Variants in PEX3 observed in about 807,000 individuals in gnomAD.
PEX3 encodes peroxin-3.
Under a neutral mutation model 55.8 loss-of-function variants are expected in PEX3, and 30 were observed. The observed-to-expected ratio is 0.54, with a 90% CI of 0.40 to 0.73. The LOEUF is 0.73. Ranked by LOEUF, PEX3 falls within the 30% of genes least tolerant of loss-of-function variation. The pLI is 0.00. For missense variants in PEX3, 351 were observed against 432.8 expected (o/e 0.81, Z 1.68); for synonymous variants, 135 against 148.4 (o/e 0.91, Z 0.66).
chr6:143,469,732 T>C (rs1172304477), intron 4 of PEX3, among the ~76,000 whole-genome samples: 4 of 152,226 alleles, frequency 2.6e-5, no homozygotes, highest in African/African-American at 2.4e-5. Context: ...TTTGGTGTTT[T>C]AGTCATGAAG....
In PEX3 at chr6:143,462,895, T is replaced by A. The variant is rs9373392; in HGVS notation, c.206-21T>A. 9.8e-6 allele frequency: 2 copies of A among 204,348 alleles called. No homozygotes were observed. The highest frequency in any genetic ancestry group is 1.3e-5 in the Non-Finnish European group (2 of 149,248). 12.7% of individuals were successfully genotyped at this position (204,348 alleles called of 1,614,324 possible). The stretch of plus-strand genomic sequence containing the variant: ...GTCATATCACTTGTGACCTTTTTTA[T>A]TTTTTTTGTTTGTATTACAGTGCTG... On this transcript the variant is annotated intron_variant, in intron 2 of 11. Coordinates refer to ENST00000367591, the MANE Select transcript of PEX3 (RefSeq NM_003630.3). This position sits in a 1 kb window ranked among gnomAD's most constrained non-coding sequence, Gnocchi z 4.1.
At position 143,479,308 on chromosome 6, in the gene PEX3, C is replaced by G; in HGVS notation, c.941+110C>G. 1.3e-6 allele frequency: 1 copy of G among 797,318 alleles called. No individual in the cohort carries two copies. The highest frequency in any genetic ancestry group is 2.2e-6 in the Non-Finnish European group (1 of 464,658). 49.4% of individuals were successfully genotyped at this position (797,318 alleles called of 1,614,324 possible). On this transcript the variant is annotated intron_variant, in intron 10 of 11. Coordinates refer to ENST00000367591, the MANE Select transcript of PEX3 (RefSeq NM_003630.3). This position sits in a 1 kb window ranked among gnomAD's most constrained non-coding sequence, Gnocchi z 4.6. ...ACAAACCTATTAAATTTGAGTGCCT[C>G]ATTTTTTAACAAATTAAACTCTGTT...
At chr6:143,469,081 A>G (rs897729447) in intron 4 of PEX3, among the ~76,000 whole-genome samples, 1 of 152,074 alleles carries the variant, frequency 6.6e-6, no homozygotes, top group Non-Finnish European at 1.5e-5. Flanking sequence ...TCATTGATGG[A>G]CATTTGGGTT....
intron 4 of PEX3, 31 bp downstream of exon 4, chr6:143,468,196 T>A: frequency 7.0e-7 from 1 of 1,430,470 alleles, no homozygotes; most frequent in Non-Finnish European, 9.9e-7. Context: ...TGACAGCACA[T>A]CCTTAAAATA....
At chr6:143,473,947 C>T (rs1780112040) in intron 8 of PEX3, among the ~76,000 whole-genome samples, 1 of 149,722 alleles carries the variant, frequency 6.7e-6, no homozygotes, top group Non-Finnish European at 1.5e-5. Flanking sequence ...GGAAGCATAA[C>T]AAGACCCTAC....
At position 143,472,173 on chromosome 6, in the gene PEX3, C is replaced by T. The variant is rs1780084360; in HGVS notation, c.592C>T (p.His198Tyr). The change falls in exon 8 of 12, where the codon CAT becomes TAT. Residue 198 changes from histidine to tyrosine, a missense_variant. His to Tyr is a moderately conservative substitution (Grantham distance 83). Coordinates refer to ENST00000367591, the MANE Select transcript of PEX3 (RefSeq NM_003630.3). ...QKVLGSVSLKHSLSLLDLEQK... is the reference protein window; with the variant it reads ...QKVLGSVSLKYSLSLLDLEQK... ...CTCTGTTTCTAGTGTTTCTCTTAAA[C>T]ATTCTTTGTCCCTTTTGGACTTGGA... 6.2e-7 allele frequency: 1 copy of T among 1,605,586 alleles called. No homozygotes were observed. The highest frequency in any genetic ancestry group is 2.2e-5 in the East Asian group (1 of 44,720).
intron 2 of PEX3, among the ~76,000 whole-genome samples, chr6:143,461,559 A>C (rs1779919876): frequency 6.7e-6 from 1 of 149,582 alleles, no homozygotes; most frequent in African/African-American, 2.5e-5. Context: ...ATTCCTTTGG[A>C]TAAGATGTAA....
At chr6:143,484,954 T>TA (rs1562658710) in intron 10 of PEX3, 198 bp from the exon 11 acceptor site, 3 of 554,656 alleles carry the variant, frequency 5.4e-6, no homozygotes, top group Non-Finnish European at 9.7e-6. Context: ...AAGATATGTG[T>TA]AAAAAAACGC....
intron 1 of PEX3, among the ~76,000 whole-genome samples, chr6:143,455,171 ATTTTCTTTTCTTTTC>A (rs58331398): frequency 5.4e-4 from 78 of 143,962 alleles, no homozygotes; most frequent in Middle Eastern, 3.4e-3. Context: ...ATTTGGGGGT[ATTTTCTTTTCTTTTC>A]TTTTCTTTTC....
intron 4 of PEX3, among the ~76,000 whole-genome samples, chr6:143,469,987 G>A (rs1024337459): frequency 2.6e-5 from 4 of 152,044 alleles, no homozygotes; most frequent in African/African-American, 9.7e-5. Context: ...GTCTTGCTCT[G>A]TTGCCAGGGT....
rs893566381 is a variant in PEX3 at position 143,466,769 on chromosome 6, A to G, written c.288-1353A>G. Among the ~76,000 whole-genome samples, 7 of 152,084 alleles carry G rather than the reference A, an allele frequency of 4.6e-5. No individual in the cohort carries two copies. The highest frequency in any genetic ancestry group is 1.7e-4 in the African/African-American group (7 of 41,432). ...TTTTCACTTATCTAAGGGGGCAGATATAAATGTATATATACATATTCACTT... is the reference window on the plus strand; with the variant it reads ...TTTTCACTTATCTAAGGGGGCAGATGTAAATGTATATATACATATTCACTT... On this transcript the variant is annotated intron_variant, in intron 3 of 11. Transcript: ENST00000367591. This position sits in a 1 kb window ranked among gnomAD's most constrained non-coding sequence, Gnocchi z 5.4.
rs1207394077 is a variant in PEX3, at chr6:143,459,230, A to T, written c.205+14A>T. On this transcript the variant is annotated intron_variant, in intron 2 of 11. Coordinates refer to ENST00000367591, the MANE Select transcript of PEX3 (RefSeq NM_003630.3). The surrounding 1 kb of genome is among the most constrained non-coding windows in gnomAD (Gnocchi z 4.2). ...GCAATATGACAGGTAAGACAGAGAA[A>T]TATTTATACATGTGTAAAGTTGTTT... The T allele has an allele frequency of 6.2e-7, 1 of 1,606,642 alleles. No homozygotes were observed. The highest frequency in any genetic ancestry group is 1.7e-5 in the Admixed American group (1 of 59,994).
At chr6:143,473,811 G>A (rs1246067141) in intron 8 of PEX3, among the ~76,000 whole-genome samples, 9 of 151,992 alleles carry the variant, frequency 5.9e-5, no homozygotes, top group Admixed American at 4.6e-4. Flanking sequence ...GTTCGAGTCC[G>A]TGGTGTGCTA....
intron 1 of PEX3, among the ~76,000 whole-genome samples, chr6:143,455,100 T>C (rs1272999349): frequency 6.6e-6 from 1 of 152,224 alleles, no homozygotes; most frequent in Non-Finnish European, 1.5e-5. Flanking sequence ...AAATATTTAT[T>C]GCGTTCTGAG....
In PEX3 at chr6:143,479,273, G is replaced by T; in HGVS notation, c.941+75G>T. 8.5e-7 allele frequency: 1 copy of T among 1,171,762 alleles called. No homozygotes were observed. Among genetic ancestry groups the T allele is most frequent in the Non-Finnish European group, 1.3e-6 (1 of 782,250 alleles). The allele number at this position is 1,171,762 out of a possible 1,614,324, so 72.6% of individuals were successfully genotyped here. On this transcript the variant is annotated intron_variant, in intron 10 of 11. Coordinates refer to ENST00000367591, the MANE Select transcript of PEX3 (RefSeq NM_003630.3). The surrounding 1 kb of genome is among the most constrained non-coding windows in gnomAD (Gnocchi z 4.6). The stretch of plus-strand genomic sequence containing the variant: ...GTGCTTTGCTTGTCTTTTTGTTCCA[G>T]ATAACAACAACAAACCTATTAAATT...
chr6:143,461,214 C>T (rs973384496), intron 2 of PEX3, among the ~76,000 whole-genome samples: 1 of 152,140 alleles, frequency 6.6e-6, no homozygotes, highest in Non-Finnish European at 1.5e-5. Context: ...GTAGAGGAGA[C>T]CTGCAGAAAT....
In PEX3 at chr6:143,453,950, C is replaced by T. The variant is rs1250362426; in HGVS notation, c.73+2835C>T. Among the ~76,000 whole-genome samples the T allele has an allele frequency of 6.6e-6, 1 of 152,030 alleles. No individual in the cohort carries two copies. Among genetic ancestry groups the T allele is most frequent in the Non-Finnish European group, 1.5e-5 (1 of 67,996 alleles). On this transcript the variant is annotated intron_variant, in intron 1 of 11. Transcript: ENST00000367591. This position sits in a 1 kb window ranked among gnomAD's most constrained non-coding sequence, Gnocchi z 4.6. ...TTTGATCTAAGGTCTCCTTTACACT[C>T]TGAAAAATTAAGGACCCTCAAAAGC...
chr6:143,489,042 A>G lies in PEX3; in HGVS notation c.1039-101A>G. The G allele has an allele frequency of 1.2e-6, 1 of 805,508 alleles. No homozygotes were observed. Among genetic ancestry groups the G allele is most frequent in the Non-Finnish European group, 2.2e-6 (1 of 457,478 alleles). 49.9% of individuals were successfully genotyped at this position (805,508 alleles called of 1,614,324 possible). A position where few individuals can be genotyped will look rare whatever the true frequency, so the allele number is the denominator to read the frequency against. ...TTAAATGGTTTGCCTCTTGGCCTTTACCACAAAACTTAGAGCTGAATTCAT... is the reference window on the plus strand; with the variant it reads ...TTAAATGGTTTGCCTCTTGGCCTTTGCCACAAAACTTAGAGCTGAATTCAT... On this transcript the variant is annotated intron_variant, in intron 11 of 11. Coordinates refer to ENST00000367591, the MANE Select transcript of PEX3 (RefSeq NM_003630.3). The surrounding 1 kb of genome is among the most constrained non-coding windows in gnomAD (Gnocchi z 5.5).
In PEX3 at chr6:143,465,683, G is replaced by A. The variant is rs1002097580; in HGVS notation, c.288-2439G>A. On this transcript the variant is annotated intron_variant, in intron 3 of 11. Transcript: ENST00000367591. This position sits in a 1 kb window ranked among gnomAD's most constrained non-coding sequence, Gnocchi z 4.7. ...TTGTGGTTGATTCCCAGTTTAATCC[G>A]AATACATATGACATTCTGCCGTGAG... Among the ~76,000 whole-genome samples the A allele has an allele frequency of 4.6e-5, 7 of 151,930 alleles. No homozygotes were observed. The highest frequency in any genetic ancestry group is 7.4e-5 in the Non-Finnish European group (5 of 67,896).
Sources: allele counts gnomAD v4.1 joint callset (sites outside exome capture counted in the v4.1 genomes callset), GRCh38; gene constraint gnomAD v4.1.1; non-coding constraint Gnocchi (gnomAD v3.1); transcripts MANE v1.5; gene names NCBI Gene and HGNC (gene_info 2026-07-23, HGNC 2026-07-21).